Variants in NBAS observed in about 807,000 individuals in gnomAD.
The protein encoded by NBAS is NAG/BC035112 fusion.
A neutral mutation model predicts 302.5 loss-of-function variants in NBAS; 219 were observed. The observed-to-expected ratio is 0.72, with a 90% confidence interval of 0.65 to 0.81. NBAS has a LOEUF of 0.81. NBAS is among the 30% of genes least tolerant of loss of function. The pLI, the probability that NBAS is intolerant of heterozygous loss-of-function variation, is 0.00. For missense variants in NBAS, 2,932 were observed against 2,841.6 expected, an observed-to-expected ratio of 1.03 and a Z score of -0.72; for synonymous variants, 1,118 against 1,021.6, an observed-to-expected ratio of 1.09 and a Z score of -1.80.
rs1676962936 is a variant in NBAS, at chr2:15,416,853, A to G, written c.2763+674T>C. ...AAGGAAGATAAATATAAGATGGGGG[A>G]AAATGTGGAAGGGAAGGAGAGAAAA... On this transcript the variant is annotated intron_variant, in intron 24 of 51. Transcript: ENST00000281513. 2.6e-5 allele frequency among the ~76,000 whole-genome samples: 4 copies of G among 151,252 alleles called. No individual in the cohort carries two copies. In the South Asian group the frequency reaches 8.4e-4, roughly 32 times the overall value.
rs116215555 is a variant in NBAS at position 15,237,173 on chromosome 2, C to G, written c.5943+1295G>C. On this transcript the variant is annotated intron_variant, in intron 45 of 51. Transcript: ENST00000281513. ...GCACTGTTTTCACTTACATGGAAAT[C>G]ATTTATTTATTGATTTGTCAACTTT... 7.7e-3 allele frequency among the ~76,000 whole-genome samples: 1,175 copies of G among 152,180 alleles called. 14 individuals are homozygous for G. The highest frequency in any genetic ancestry group is 9.5e-3 in the Non-Finnish European group (646 of 67,990).
chr2:15,033,545 G>A, the NBAS span, among the ~76,000 whole-genome samples: 7 of 152,158 alleles, frequency 4.6e-5, no homozygotes, highest in Admixed American at 3.3e-4. Context: ...ACTCATTGTC[G>A]TTTCCCAAAA....
chr2:14,841,762 T>C, the NBAS span, among the ~76,000 whole-genome samples: 1 of 151,880 alleles, frequency 6.6e-6, no homozygotes, highest in Non-Finnish European at 1.5e-5. Context: ...AACACCCCAT[T>C]TTCAGTAATG....
At chr2:15,499,178 C>T (rs945637844) in intron 11 of NBAS, among the ~76,000 whole-genome samples, 1 of 152,200 alleles carries the variant, frequency 6.6e-6, no homozygotes, top group African/African-American at 2.4e-5. Context: ...ATCTGCCTGC[C>T]TCAGCCTCCC....
At chr2:14,923,252 CTCT>C in the NBAS span, among the ~76,000 whole-genome samples, 13,255 of 152,272 alleles carry the variant, frequency 0.087, 654 homozygotes, top group African/African-American at 0.11. Flanking sequence ...TTGTGCCAAG[CTCT>C]TCTTTGGCTG....
intron 10 of NBAS, among the ~76,000 whole-genome samples, chr2:15,505,403 G>T (rs1439985906): frequency 6.6e-6 from 1 of 152,168 alleles, no homozygotes; most frequent in Non-Finnish European, 1.5e-5. Flanking sequence ...TGAAGAGGCA[G>T]GCTTCCAAAC....
chr2:15,472,177 G>C (rs966265701), intron 16 of NBAS, among the ~76,000 whole-genome samples: 1 of 152,136 alleles, frequency 6.6e-6, no homozygotes, highest in Non-Finnish European at 1.5e-5. Context: ...TTAAGCTCTG[G>C]GTGCTGGAGG....
chr2:15,232,384 G>T, intron 47 of NBAS, 38 bp downstream of exon 47: 1 of 1,575,816 alleles, frequency 6.3e-7, no homozygotes, highest in Non-Finnish European at 8.7e-7. Context: ...TCTGAGGAAA[G>T]CCAGTTAATG....
At chr2:15,491,462 C>T (rs1477676752) in intron 11 of NBAS, among the ~76,000 whole-genome samples, 4 of 152,152 alleles carry the variant, frequency 2.6e-5, no homozygotes, top group Non-Finnish European at 4.4e-5. Flanking sequence ...GTTGGCCAGG[C>T]GCAGTGGCTC....
At chr2:15,323,472 G>A (rs1671915234) in intron 38 of NBAS, among the ~76,000 whole-genome samples, 2 of 152,150 alleles carry the variant, frequency 1.3e-5, no homozygotes, top group Non-Finnish European at 2.9e-5. Flanking sequence ...GACACATGAG[G>A]CTGGGGAGAA....
At chr2:14,898,355 C>A in the NBAS span, among the ~76,000 whole-genome samples, 1 of 152,112 alleles carries the variant, frequency 6.6e-6, no homozygotes, top group Non-Finnish European at 1.5e-5. Flanking sequence ...ATCAATTTCC[C>A]ATGGCTAGTC....
At chr2:14,801,846 T>C in the NBAS span, among the ~76,000 whole-genome samples, 1 of 151,802 alleles carries the variant, frequency 6.6e-6, no homozygotes, top group African/African-American at 2.4e-5. Context: ...GTTCATGTCC[T>C]TCGCCCACTT....
At chr2:15,451,377 C>T (rs1480586739) in intron 21 of NBAS, among the ~76,000 whole-genome samples, 1 of 152,076 alleles carries the variant, frequency 6.6e-6, no homozygotes, top group Non-Finnish European at 1.5e-5. Flanking sequence ...TGAAAGCTGC[C>T]TAGAGTCCAT....
chr2:15,533,327 C>A (rs868132551), intron 9 of NBAS, among the ~76,000 whole-genome samples: 49 of 152,114 alleles, frequency 3.2e-4, no homozygotes, highest in Middle Eastern at 3.2e-3. Context: ...ATTATTTCTA[C>A]CACAGTACTA....
intron 48 of NBAS, among the ~76,000 whole-genome samples, chr2:15,194,888 G>T (rs1224564434): frequency 1.3e-5 from 2 of 151,998 alleles, no homozygotes; most frequent in Non-Finnish European, 2.9e-5. Context: ...AGAAATAACA[G>T]AGACATAAAT....
At chr2:15,537,651 A>G (rs984675653) in intron 7 of NBAS, among the ~76,000 whole-genome samples, 1 of 152,148 alleles carries the variant, frequency 6.6e-6, no homozygotes, top group Admixed American at 6.5e-5. Context: ...TGGCTGCACT[A>G]TGATCATTAT....
chr2:15,346,119 G>A lies in NBAS; in HGVS notation c.4179+5873C>T, dbSNP rs546460194. ...AGGGCAAAGACTTCATGACAAAAAC[G>A]CCAAAGCAATTGCAACAAAAGCCAA... On this transcript the variant is annotated intron_variant, in intron 35 of 51. Transcript: ENST00000281513. Among the ~76,000 whole-genome samples, 7 of 152,046 alleles carry A rather than the reference G, an allele frequency of 4.6e-5. No individual in the cohort carries two copies. In the East Asian group the frequency reaches 5.8e-4, roughly 13 times the overall value.
intron 45 of NBAS, among the ~76,000 whole-genome samples, chr2:15,235,859 A>G (rs1028448083): frequency 1.3e-5 from 2 of 152,200 alleles, no homozygotes; most frequent in South Asian, 2.1e-4. Flanking sequence ...AAAAATCCCT[A>G]TGAGTTAAGC....
chr2:14,870,628 T>C, the NBAS span, among the ~76,000 whole-genome samples: 1 of 151,708 alleles, frequency 6.6e-6, no homozygotes, highest in African/African-American at 2.4e-5. Flanking sequence ...CTTAACTATG[T>C]CCTAGGAGTG....
Sources: allele counts gnomAD v4.1 joint callset (sites outside exome capture counted in the v4.1 genomes callset), GRCh38; gene constraint gnomAD v4.1.1; transcripts MANE v1.5; gene names NCBI Gene and HGNC (gene_info 2026-07-23, HGNC 2026-07-21).